Variants in TGM4 observed in about 807,000 individuals in gnomAD.
TGM4 encodes the protein transglutaminase 4.
A neutral mutation model predicts 76.3 loss-of-function variants in TGM4; 61 were observed. That is an observed-to-expected ratio of 0.80 (90% CI 0.65 to 0.99). TGM4 has a LOEUF of 0.99. TGM4 is among the 50% of genes least tolerant of loss of function. The pLI is 0.00. For missense variants in TGM4, 794 were observed against 843.2 expected (o/e 0.94, Z 0.72); for synonymous variants, 337 against 329.8 (o/e 1.02, Z -0.24).
intron 1 of TGM4, among the ~76,000 whole-genome samples, chr3:44,878,392 G>A (rs1232305405): frequency 1.3e-5 from 2 of 151,336 alleles, no homozygotes; most frequent in Non-Finnish European, 2.9e-5. Flanking sequence ...GAAAGGATCT[G>A]GGAGTCTGGG....
chr3:44,896,735 C>T lies in TGM4; in HGVS notation c.576C>T (p.Cys192=), dbSNP rs772047776. ...TTGAGAAAAATGTCCTGGACTGCTG[C>T]ATTTCCCTGCTGACTGAGAGCTCCC... ...GQFEKNVLDC[C]ISLLTESSLK... The change falls in exon 6 of 14, where the codon TGC becomes TGT. Residue 192 remains cysteine, a synonymous_variant. Coordinates refer to ENST00000296125, the MANE Select transcript of TGM4 (RefSeq NM_003241.4). 9.9e-6 allele frequency: 16 copies of T among 1,614,046 alleles called. No homozygotes were observed. In the East Asian group the frequency reaches 3.6e-4, roughly 36 times the overall value.
intron 1 of TGM4, among the ~76,000 whole-genome samples, chr3:44,875,603 G>A (rs1284359197): frequency 1.3e-5 from 2 of 152,034 alleles, no homozygotes; most frequent in African/African-American, 4.8e-5. Context: ...GGAACAACGA[G>A]GCTGGGTTTG....
chr3:44,881,452 GA>G (rs1699531073), intron 1 of TGM4, among the ~76,000 whole-genome samples: 1 of 152,224 alleles, frequency 6.6e-6, no homozygotes, highest in African/African-American at 2.4e-5. Context: ...TATGGAGGCT[GA>G]GACTCCAAGG....
In TGM4 at chr3:44,901,709, G is replaced by C. The variant is rs1699856064; in HGVS notation, c.832+11G>C. 6.2e-7 allele frequency: 1 copy of C among 1,613,160 alleles called. No homozygotes were observed. The highest frequency in any genetic ancestry group is 2.2e-5 in the East Asian group (1 of 44,832). On this transcript the variant is annotated intron_variant, in intron 7 of 13. Transcript: ENST00000296125. ...GGATCCTGACTACAGGTAAGTGGCA[G>C]ATCCAGGGGCTGAGGGGAGAGGTCC... is the stretch of plus-strand genomic sequence containing the variant.
At chr3:44,880,203 G>A (rs1414659697) in intron 1 of TGM4, among the ~76,000 whole-genome samples, 1 of 152,112 alleles carries the variant, frequency 6.6e-6, no homozygotes, top group African/African-American at 2.4e-5. Context: ...TTAAAATTTG[G>A]GGCTATAAGC....
intron 6 of TGM4, chr3:44,899,216 A>G (rs938081598): frequency 6.6e-6 from 1 of 152,248 alleles, no homozygotes; most frequent in Non-Finnish European, 1.5e-5. Context: ...CAATGGGCTA[A>G]GCCGCTGCTT....
chr3:44,913,587 G>T lies in TGM4; in HGVS notation c.1917G>T (p.Thr639=). The T allele has an allele frequency of 6.2e-7, 1 of 1,612,484 alleles. No homozygotes were observed. The highest frequency in any genetic ancestry group is 8.5e-7 in the Non-Finnish European group (1 of 1,179,496). The stretch of plus-strand genomic sequence containing the variant: ...CGTATGTCTTTGAATTTTCCAGGAC[G>T]GTGCAGCCTGGTGAGACCATCCAAT... ...ISSLQTSDHG[T]VQPGETIQSQ... The change falls in exon 14 of 14, where the codon ACG becomes ACT. Residue 639 remains threonine, a synonymous_variant. Transcript: ENST00000296125.
intron 6 of TGM4, among the ~76,000 whole-genome samples, 184 bp downstream of exon 6, chr3:44,897,000 CTTTTTTT>C (rs59154155): frequency 4.8e-5 from 5 of 104,366 alleles, no homozygotes; most frequent in South Asian, 7.2e-4. Flanking sequence ...GTTTTCTTTT[CTTTTTTT>C]TTTTTTTTTT....
At chr3:44,879,067 A>G (rs1321445095) in intron 1 of TGM4, among the ~76,000 whole-genome samples, 1 of 151,218 alleles carries the variant, frequency 6.6e-6, no homozygotes, top group Non-Finnish European at 1.5e-5. Flanking sequence ...AGTTATGTCT[A>G]TTTGCTGTTT....
At chr3:44,911,517 T>C (rs945971989) in intron 13 of TGM4, 111 bp downstream of exon 13, 33 of 1,303,520 alleles carry the variant, frequency 2.5e-5, no homozygotes, top group Non-Finnish European at 3.5e-5. Context: ...GGTCAAAATG[T>C]AGATACATTT....
Position 44,885,416 on chromosome 3 carries a change from G to A in TGM4, c.111G>A (p.Arg37=), listed in dbSNP as rs769465408. 21 of 1,613,846 alleles carry A rather than the reference G, an allele frequency of 1.3e-5. No homozygotes were observed. Among genetic ancestry groups the A allele is most frequent in the South Asian group, 2.2e-5 (2 of 91,054 alleles). The change falls in exon 2 of 14, where the codon CGG becomes CGA. Residue 37 remains arginine, a synonymous_variant. Transcript: ENST00000296125. ...TCCAAACGAGCAGTCCTGTGTTCCG[G>A]CGAGGACAGGTGTTTCACCTGCGGC... is the stretch of plus-strand genomic sequence containing the variant. ...WEFQTSSPVF[R]RGQVFHLRLV... is the part of the protein sequence containing the mutation.
intron 1 of TGM4, among the ~76,000 whole-genome samples, chr3:44,881,619 G>A (rs1219301813): frequency 6.6e-6 from 1 of 152,128 alleles, no homozygotes; most frequent in African/African-American, 2.4e-5. Flanking sequence ...CATTTCAAGA[G>A]TCCCACTTGA....
intron 9 of TGM4, among the ~76,000 whole-genome samples, chr3:44,906,418 TAGAC>T (rs1175689733): frequency 9.2e-5 from 14 of 152,072 alleles, no homozygotes; most frequent in Admixed American, 1.3e-4. Context: ...AATAAATAAA[TAGAC>T]AGCTCTTAGA....
chr3:44,879,287 A>T (rs562115306), intron 1 of TGM4, among the ~76,000 whole-genome samples: 115 of 124,878 alleles, frequency 9.2e-4, no homozygotes, highest in African/African-American at 3.1e-3. Flanking sequence ...ATATATATAT[A>T]GTTTATTTAA....
intron 6 of TGM4, among the ~76,000 whole-genome samples, chr3:44,900,610 T>G (rs944252318): frequency 6.6e-6 from 1 of 152,192 alleles, no homozygotes; most frequent in Admixed American, 6.5e-5. Context: ...TCACAAGGCA[T>G]GATGAGGTTT....
At chr3:44,890,870 A>G (rs978922759) in intron 4 of TGM4, 138 bp downstream of exon 4, 4 of 1,095,362 alleles carry the variant, frequency 3.7e-6, no homozygotes, top group African/African-American at 1.6e-5. Context: ...CCAGGAACAG[A>G]TCACAGACAC....
At chr3:44,893,838 T>G in intron 5 of TGM4, 143 bp downstream of exon 5, 32 of 746,498 alleles carry the variant, frequency 4.3e-5, no homozygotes, top group Non-Finnish European at 5.8e-5. Flanking sequence ...AACTTGGCCA[T>G]AGAGGGGTGA....
intron 13 of TGM4, among the ~76,000 whole-genome samples, chr3:44,912,076 C>T (rs1700013111): frequency 6.6e-6 from 1 of 152,242 alleles, no homozygotes; most frequent in African/African-American, 2.4e-5. Context: ...GGTGATCTGC[C>T]CGCCTTGGCC....
In TGM4 at chr3:44,911,123, T is replaced by C. The variant is rs758998549; in HGVS notation, c.1772T>C (p.Ile591Thr). The change falls in exon 12 of 14, where the codon ATA becomes ACA. Residue 591 changes from isoleucine (I) to threonine (T), a missense_variant. Ile to Thr is a moderately conservative substitution (Grantham distance 89). Coordinates refer to ENST00000296125, the MANE Select transcript of TGM4 (RefSeq NM_003241.4). ...TCTTTCCAGTACCCTGAGTTCTCTA[T>C]AGAGGTGAGCTTCCTGCAGGCCATA... ...FTSFQYPEFSIELPNTGRIGQ... is the reference protein window; with the variant it reads ...FTSFQYPEFSTELPNTGRIGQ... 5 of 1,613,934 alleles carry C rather than the reference T, an allele frequency of 3.1e-6. No homozygotes were observed. Among genetic ancestry groups the C allele is most frequent in the Middle Eastern group, 1.6e-4 (1 of 6,084 alleles).
Sources: allele counts gnomAD v4.1 joint callset (sites outside exome capture counted in the v4.1 genomes callset), GRCh38; gene constraint gnomAD v4.1.1; transcripts MANE v1.5; gene names NCBI Gene and HGNC (gene_info 2026-07-23, HGNC 2026-07-21).